SEM1: variants seen among roughly 807,000 people sequenced by gnomAD.
SEM1 encodes the protein 26S proteasome complex subunit SEM1.
Under a neutral mutation model 12.7 loss-of-function variants are expected in SEM1, and 3 were observed. The ratio of observed to expected loss-of-function variants is 0.24; its 90% confidence interval spans 0.11 to 0.61. The LOEUF (loss-of-function observed/expected upper bound fraction) is 0.61, where lower values mean the gene tolerates loss of function less well. Ranked by LOEUF, SEM1 falls within the 20% of genes least tolerant of loss-of-function variation. The pLI is 0.88. For missense variants in SEM1, 59 were observed against 81.3 expected, an observed-to-expected ratio of 0.73 and a Z score of 1.06; for synonymous variants, 30 against 27.8, an observed-to-expected ratio of 1.08 and a Z score of -0.25.
At chr7:96,620,298 G>A (rs538804155), downstream of SEM1, among the ~76,000 whole-genome samples, 87 of 152,278 alleles carry the variant, frequency 5.7e-4, no homozygotes, top group Non-Finnish European at 8.4e-4. Context: ...CGGCAGGGCA[G>A]TAGGGACCCT....
At chr7:96,503,885 A>T (rs186851354) in intron 3 of SEM1, among the ~76,000 whole-genome samples, 78 of 152,262 alleles carry the variant, frequency 5.1e-4, no homozygotes, top group African/African-American at 1.8e-3. Context: ...GACCACAGAT[A>T]CAACCCAGAT....
intron 2 of SEM1, among the ~76,000 whole-genome samples, chr7:96,682,571 TA>T (rs1413666932): frequency 1.3e-5 from 2 of 151,850 alleles, no homozygotes; most frequent in African/African-American, 4.8e-5. Context: ...ATAAAAACCC[TA>T]AAAGAAAACC....
intron 2 of SEM1, among the ~76,000 whole-genome samples, chr7:96,546,935 A>T (rs989274031): frequency 2.0e-5 from 3 of 152,144 alleles, no homozygotes; most frequent in African/African-American, 7.2e-5. Context: ...TGATGGAAAA[A>T]GCATCATCCT....
In SEM1 at chr7:96,570,620, G is replaced by A. The variant is rs1563065532; in HGVS notation, c.171-63922C>T. 2.0e-5 allele frequency among the ~76,000 whole-genome samples: 3 copies of A among 152,156 alleles called. No individual in the cohort carries two copies. In the South Asian group the frequency reaches 6.2e-4, roughly 32 times the overall value. On this transcript the variant is annotated intron_variant and NMD_transcript_variant, in intron 2 of 3. Coordinates refer to the SEM1 transcript ENST00000466986. ...TGATGGGCATTTGGGTTGGTTCCAAGTCTTTGCTATTGTGAACAGTGCCGC... is the reference window on the plus strand; with the variant it reads ...TGATGGGCATTTGGGTTGGTTCCAAATCTTTGCTATTGTGAACAGTGCCGC...
downstream of SEM1, chr7:96,687,988 C>A (rs990120587): frequency 2.6e-5 from 4 of 151,988 alleles, no homozygotes; most frequent in Non-Finnish European, 5.9e-5. Flanking sequence ...GGCCACCAAC[C>A]CCTATTTTGG....
intron 2 of SEM1, among the ~76,000 whole-genome samples, chr7:96,546,949 G>A (rs1019604278): frequency 1.3e-5 from 2 of 151,992 alleles, no homozygotes; most frequent in East Asian, 1.9e-4. Context: ...TCATCCTTTC[G>A]GTTGTAGCTG....
intron 2 of SEM1, among the ~76,000 whole-genome samples, chr7:96,577,010 G>A (rs1333638984): frequency 2.0e-5 from 3 of 151,976 alleles, no homozygotes; most frequent in South Asian, 2.1e-4. Flanking sequence ...CCAGCTACTC[G>A]GGAGGCTGAG....
At chr7:96,578,676 A>G (rs1214879707) in intron 2 of SEM1, among the ~76,000 whole-genome samples, 1 of 152,238 alleles carries the variant, frequency 6.6e-6, no homozygotes, top group Non-Finnish European at 1.5e-5. Context: ...TATTAACAGC[A>G]ATAATGTCTT....
At chr7:96,581,150 A>C (rs1806388201) in intron 2 of SEM1, among the ~76,000 whole-genome samples, 1 of 152,112 alleles carries the variant, frequency 6.6e-6, no homozygotes, top group Admixed American at 6.6e-5. Flanking sequence ...TTTTTGTATA[A>C]GGTGTAAGGA....
intron 2 of SEM1, 114 bp from the exon 3 acceptor site, chr7:96,689,080 T>C (rs2115810939): frequency 3.4e-6 from 2 of 581,578 alleles, no homozygotes; most frequent in East Asian, 3.1e-5. Flanking sequence ...CAATTTACAA[T>C]ACCACTGAAT....
At chr7:96,552,336 C>T (rs1805308941) in intron 2 of SEM1, among the ~76,000 whole-genome samples, 1 of 152,138 alleles carries the variant, frequency 6.6e-6, no homozygotes, top group South Asian at 2.1e-4. Flanking sequence ...TGCTATCCCT[C>T]CCCCTCCCAC....
At chr7:96,564,810 C>T (rs1805797551) in intron 2 of SEM1, among the ~76,000 whole-genome samples, 1 of 151,942 alleles carries the variant, frequency 6.6e-6, no homozygotes, top group Admixed American at 6.6e-5. Context: ...ATATGTTATA[C>T]AGAAAATATT....
chr7:96,581,756 G>T (rs1372048183), intron 2 of SEM1, among the ~76,000 whole-genome samples: 1 of 151,794 alleles, frequency 6.6e-6, no homozygotes, highest in Non-Finnish European at 1.5e-5. Context: ...GTTCACTCAT[G>T]ATTTGGCTCT....
At chr7:96,662,795 C>G (rs749304992) in intron 2 of SEM1, among the ~76,000 whole-genome samples, 30 of 152,144 alleles carry the variant, frequency 2.0e-4, no homozygotes, top group Admixed American at 3.9e-4. Flanking sequence ...TACACAAAAA[C>G]TAACTCAATA....
chr7:96,589,319 C>T (rs1185996002), intron 2 of SEM1, among the ~76,000 whole-genome samples: 1 of 152,206 alleles, frequency 6.6e-6, no homozygotes, highest in Non-Finnish European at 1.5e-5. Flanking sequence ...GGAAACGGCC[C>T]ATCCCCGGAT....
chr7:96,552,044 C>G (rs1028182504), intron 2 of SEM1, among the ~76,000 whole-genome samples: 25 of 152,186 alleles, frequency 1.6e-4, no homozygotes, highest in Non-Finnish European at 2.8e-4. Context: ...TCACATCCCA[C>G]AGGAATGGTC....
intron 2 of SEM1, among the ~76,000 whole-genome samples, chr7:96,642,115 A>G (rs967456464): frequency 5.3e-5 from 8 of 152,090 alleles, no homozygotes; most frequent in Non-Finnish European, 1.2e-4. Context: ...CAAGGGTTCC[A>G]TAGCTCAACA....
At chr7:96,693,760 T>TGTGTGTGTGTG (rs1790002060) in intron 2 of SEM1, among the ~76,000 whole-genome samples, 104 of 139,620 alleles carry the variant, frequency 7.4e-4, no homozygotes, top group Non-Finnish European at 5.3e-4. Flanking sequence ...ACAATTCCAC[T>TGTGTGTGTGTG]TGTGTGTGTG....
intron 2 of SEM1, among the ~76,000 whole-genome samples, chr7:96,665,951 C>T (rs1053664270): frequency 5.9e-5 from 9 of 152,122 alleles, no homozygotes; most frequent in African/African-American, 2.2e-4. Flanking sequence ...CCTATGACCA[C>T]GCAGCTAGTA....
Sources: gnomAD v4.1 joint callset for allele counts (sites outside exome capture counted in the v4.1 genomes callset) on GRCh38, gnomAD v4.1.1 for gene constraint, MANE v1.5 for transcripts, NCBI Gene and HGNC (gene_info 2026-07-23, HGNC 2026-07-21) for gene names.